The following SLC23A2 variants were observed in gnomAD, a reference collection of about 807,000 sequenced individuals.
SLC23A2 encodes the protein solute carrier family 23 member 2.
In SLC23A2, 36 loss-of-function variants were observed where a neutral mutation model predicts 73.3. The observed-to-expected ratio is 0.49, with a 90% CI of 0.38 to 0.65. The LOEUF (loss-of-function observed/expected upper bound fraction) is 0.65, where lower values mean the gene tolerates loss of function less well. Ranked by LOEUF, SLC23A2 falls within the 30% of genes least tolerant of loss-of-function variation. SLC23A2 has a pLI of 0.00. For missense variants in SLC23A2, 507 were observed against 841.6 expected (o/e 0.60, Z 4.92); for synonymous variants, 343 against 327.3 (o/e 1.05, Z -0.52).
At chr20:4,934,467 C>A (rs1319907335) in intron 2 of SLC23A2, among the ~76,000 whole-genome samples, 1 of 152,198 alleles carries the variant, frequency 6.6e-6, no homozygotes. Flanking sequence ...AGGACAAGAT[C>A]AGGTCCTCCA....
intron 2 of SLC23A2, among the ~76,000 whole-genome samples, chr20:4,966,297 T>A (rs2087473673): frequency 6.6e-6 from 1 of 152,090 alleles, no homozygotes; most frequent in Non-Finnish European, 1.5e-5. Flanking sequence ...TATTACATAG[T>A]CCCTGAAATA....
intron 3 of SLC23A2, among the ~76,000 whole-genome samples, chr20:4,929,488 C>G (rs1430208823): frequency 2.0e-5 from 3 of 152,102 alleles, no homozygotes; most frequent in African/African-American, 7.2e-5. Context: ...TAGGGTCTGC[C>G]TCTGGACTGG....
rs1468254919 is a variant in SLC23A2, at chr20:4,998,540, C to T, written c.-282+2866G>A. Among the ~76,000 whole-genome samples, 1 of 151,892 alleles carries T rather than the reference C, an allele frequency of 6.6e-6. No homozygotes were observed. Among genetic ancestry groups the T allele is most frequent in the Non-Finnish European group, 1.5e-5 (1 of 67,998 alleles). On this transcript the variant is annotated intron_variant, in intron 1 of 16. Transcript: ENST00000338244. The surrounding 1 kb of genome is among the most constrained non-coding windows in gnomAD (Gnocchi z 4.1). ...GCTTAACCTGGAGGAGGATGGTTCC[C>T]TACAGAAAGAATAAAAGCAAGCCCA...
chr20:4,986,941 C>T (rs932601462), intron 1 of SLC23A2, among the ~76,000 whole-genome samples: 2 of 152,128 alleles, frequency 1.3e-5, no homozygotes, highest in Admixed American at 6.5e-5. Flanking sequence ...CCTCCTCCAT[C>T]CACCTCTCAG....
intron 2 of SLC23A2, among the ~76,000 whole-genome samples, chr20:4,953,797 G>C (rs1397600075): frequency 6.6e-6 from 1 of 152,090 alleles, no homozygotes; most frequent in Non-Finnish European, 1.5e-5. Context: ...GCTGAGACAG[G>C]AGAATCACTT....
intron 1 of SLC23A2, among the ~76,000 whole-genome samples, chr20:4,996,685 CAA>C (rs1555809857): frequency 3.1e-4 from 17 of 54,780 alleles, no homozygotes; most frequent in South Asian, 1.7e-3. Flanking sequence ...GATTCCATCT[CAA>C]AAAAAAAAAA....
At chr20:4,985,557 C>T (rs1361125451) in intron 1 of SLC23A2, among the ~76,000 whole-genome samples, 1 of 152,066 alleles carries the variant, frequency 6.6e-6, no homozygotes, top group East Asian at 1.9e-4. Context: ...AAGCAATACC[C>T]CCACCTCAGC....
intron 1 of SLC23A2, among the ~76,000 whole-genome samples, chr20:4,982,807 C>A (rs573882997): frequency 4.6e-5 from 7 of 151,922 alleles, no homozygotes; most frequent in African/African-American, 1.4e-4. Context: ...ATGAGACAAC[C>A]GAAAGTCCAA....
intron 1 of SLC23A2, among the ~76,000 whole-genome samples, chr20:4,987,098 G>A (rs1046728748): frequency 3.9e-5 from 6 of 152,054 alleles, no homozygotes; most frequent in African/African-American, 1.4e-4. Context: ...TGGACATGCA[G>A]GCCCCAAACT....
chr20:4,927,150 C>T (rs974026306), intron 3 of SLC23A2, among the ~76,000 whole-genome samples: 1 of 152,146 alleles, frequency 6.6e-6, no homozygotes, highest in East Asian at 1.9e-4. Flanking sequence ...GAGTACTTGA[C>T]GAGTGCAACT....
At chr20:4,918,005 A>G (rs1487318668) in intron 3 of SLC23A2, among the ~76,000 whole-genome samples, 1 of 152,250 alleles carries the variant, frequency 6.6e-6, no homozygotes, top group Non-Finnish European at 1.5e-5. Flanking sequence ...AATTTTAAAA[A>G]TCAAATGGTA....
In SLC23A2 at chr20:4,883,041, C is replaced by A. The variant is rs746111514; in HGVS notation, c.824+601G>T. Among the ~76,000 whole-genome samples the A allele has an allele frequency of 1.3e-5, 2 of 151,712 alleles. No individual in the cohort carries two copies. The highest frequency in any genetic ancestry group is 3.4e-3 in the Middle Eastern group (1 of 294). ...AAACTCCCCTGTGACTTCATTAACA[C>A]AAAATGTTAACTTTACTTAAAGGGC... On this transcript the variant is annotated intron_variant, in intron 9 of 16. Transcript: ENST00000338244. The surrounding 1 kb of genome is among the most constrained non-coding windows in gnomAD (Gnocchi z 4.5).
At chr20:4,928,230 A>C (rs1165018036) in intron 3 of SLC23A2, among the ~76,000 whole-genome samples, 1 of 151,962 alleles carries the variant, frequency 6.6e-6, no homozygotes, top group Non-Finnish European at 1.5e-5. Flanking sequence ...GGTATGAATG[A>C]GGGTCTCGCT....
At chr20:4,942,211 A>C (rs912146272) in intron 2 of SLC23A2, among the ~76,000 whole-genome samples, 4 of 152,164 alleles carry the variant, frequency 2.6e-5, no homozygotes, top group African/African-American at 9.7e-5. Flanking sequence ...AGTGCGGAAT[A>C]ATGTCCTCAT....
At position 4,856,417 on chromosome 20, in the gene SLC23A2, A is replaced by G. The variant is rs16990312; in HGVS notation, c.*555T>C. ...GGCCAGATCTGGGCACAGGGGAGCC[A>G]CGCCACTGTTTTCAGGTCAACAGCC... On this transcript the variant is annotated 3_prime_UTR_variant, in exon 17 of 17. Transcript: ENST00000338244. This position sits in a 1 kb window ranked among gnomAD's most constrained non-coding sequence, Gnocchi z 4.6. The G allele has an allele frequency of 0.21, 32,497 of 153,128 alleles. 3,988 individuals are homozygous for G. Among genetic ancestry groups the G allele is most frequent in the African/African-American group, 0.33 (13,820 of 41,498 alleles). The allele number at this position is 153,128 out of a possible 1,614,324, so 9.5% of individuals were successfully genotyped here.
At chr20:4,882,211 C>T (rs1818557639) in intron 9 of SLC23A2, among the ~76,000 whole-genome samples, 1 of 152,026 alleles carries the variant, frequency 6.6e-6, no homozygotes, top group African/African-American at 2.4e-5. Context: ...ACCGTCTCTA[C>T]TAAAAATACA....
chr20:4,901,454 C>T (rs769862277), intron 5 of SLC23A2, among the ~76,000 whole-genome samples: 1 of 152,198 alleles, frequency 6.6e-6, no homozygotes, highest in Non-Finnish European at 1.5e-5. Flanking sequence ...ATATTCAGTC[C>T]AGGAGTGTGC....
chr20:4,950,942 T>C (rs1158911000), intron 2 of SLC23A2, among the ~76,000 whole-genome samples: 1 of 152,064 alleles, frequency 6.6e-6, no homozygotes, highest in African/African-American at 2.4e-5. Context: ...TGACCAGAAG[T>C]GACACCTTAG....
upstream of SLC23A2, chr20:5,001,513 C>T (rs1297721984): frequency 6.6e-6 from 1 of 150,516 alleles, no homozygotes; most frequent in East Asian, 2.0e-4. Flanking sequence ...AAAATGGCGC[C>T]GCGGAGGGGC....
Sources: gnomAD v4.1 joint callset for allele counts (sites outside exome capture counted in the v4.1 genomes callset) on GRCh38, gnomAD v4.1.1 for gene constraint, Gnocchi (gnomAD v3.1) non-coding constraint, MANE v1.5 for transcripts, NCBI Gene and HGNC (gene_info 2026-07-23, HGNC 2026-07-21) for gene names.